Variants in GAB3 observed in about 807,000 individuals in gnomAD.
The protein encoded by GAB3 is GRB2-associated-binding protein 3.
GAB3 carries 12 observed loss-of-function variants against 40.4 expected under a neutral mutation model. That is an observed-to-expected ratio of 0.30 (90% confidence interval 0.19 to 0.48). GAB3 has a LOEUF of 0.48. Ranked by LOEUF, GAB3 falls within the 20% of genes least tolerant of loss-of-function variation. GAB3 has a pLI of 0.99. For missense variants in GAB3, 381 were observed against 461.9 expected (o/e 0.82, Z 1.61); for synonymous variants, 154 against 176.7 (o/e 0.87, Z 1.02).
chrX:154,733,383 A>C (rs1557260166), intron 1 of GAB3, among the ~76,000 whole-genome samples: 1 of 112,328 alleles, frequency 8.9e-6, no homozygotes, highest in African/African-American at 3.2e-5. Context: ...ATTGATCAGG[A>C]TTACTCATAA....
chrX:154,689,954 G>A (rs1233510657), intron 8 of GAB3, among the ~76,000 whole-genome samples: 8 of 108,765 alleles, frequency 7.4e-5, no homozygotes, highest in African/African-American at 9.9e-5. Flanking sequence ...AGCCTGCATC[G>A]CCAAGTCAAT....
chrX:154,750,044 G>T lies in GAB3; in HGVS notation c.72+910C>A, dbSNP rs192320887. 6.2e-5 allele frequency among the ~76,000 whole-genome samples: 7 copies of T among 112,690 alleles called. No individual in the cohort carries two copies. In the East Asian group the frequency reaches 1.9e-3, roughly 31 times the overall value. ...CATGCGCGAGTTTGTTCCTACCACCGTGCAGTGAAGTTGCAGAGAAATTAG... is the reference window on the plus strand; with the variant it reads ...CATGCGCGAGTTTGTTCCTACCACCTTGCAGTGAAGTTGCAGAGAAATTAG... On this transcript the variant is annotated intron_variant, in intron 1 of 9. Coordinates refer to ENST00000424127, the MANE Select transcript of GAB3 (RefSeq NM_001081573.3).
intron 1 of GAB3, among the ~76,000 whole-genome samples, chrX:154,727,434 G>A (rs2071228923): frequency 8.9e-6 from 1 of 112,826 alleles, no homozygotes; most frequent in Admixed American, 9.3e-5. Flanking sequence ...TCCAGCACTA[G>A]AATGTGAGCT....
At chrX:154,700,083 T>A in intron 4 of GAB3, 24 bp from the exon 5 acceptor site, 1 of 1,164,740 alleles carries the variant, frequency 8.6e-7, no homozygotes, top group Non-Finnish European at 1.2e-6. Flanking sequence ...GCCAAGGTGG[T>A]GAGAAATGCA....
At chrX:154,720,095 C>T (rs931422390) in intron 1 of GAB3, among the ~76,000 whole-genome samples, 1 of 109,487 alleles carries the variant, frequency 9.1e-6, no homozygotes, top group Non-Finnish European at 1.9e-5. Flanking sequence ...TTTATTGTAC[C>T]TTTTCTATGT....
At chrX:154,740,104 C>T (rs2071415468) in intron 1 of GAB3, among the ~76,000 whole-genome samples, 1 of 112,283 alleles carries the variant, frequency 8.9e-6, no homozygotes, top group African/African-American at 3.2e-5. Context: ...TTCAACTCAG[C>T]AATTCAACTT....
chrX:154,695,927 T>A lies in GAB3; in HGVS notation c.1520A>T (p.Tyr507Phe), dbSNP rs2070648899. 8.6e-7 allele frequency: 1 copy of A among 1,158,866 alleles called. No homozygotes were observed. The highest frequency in any genetic ancestry group is 3.0e-5 in the East Asian group (1 of 33,572). ...NPVSREDEES[Y>F]IEMEEHRTAS... ...AAAATATAAGATTACCATTTCGATG[T>A]AGCTTTCTTCGTCTTCTCTGGAAAC... Residue 507 changes from tyrosine to phenylalanine, a missense_variant, in exon 8 of 10, where the codon TAC becomes TTC. This residue lies in a region of GAB3 where 364 missense variants were observed against 421.0 expected (regional missense o/e 0.86). Coordinates refer to ENST00000424127, the MANE Select transcript of GAB3 (RefSeq NM_001081573.3).
intron 4 of GAB3, among the ~76,000 whole-genome samples, chrX:154,709,176 A>G (rs5945230): frequency 0.44 from 48,699 of 109,626 alleles, 8,109 homozygotes; most frequent in South Asian, 0.58. Context: ...CATGTAAGAC[A>G]TGCTTCCTTC....
chrX:154,746,370 A>C (rs965066475), intron 1 of GAB3, among the ~76,000 whole-genome samples: 3 of 112,458 alleles, frequency 2.7e-5, no homozygotes, highest in Admixed American at 1.9e-4. Flanking sequence ...AAATATATGA[A>C]AAGAATAATA....
intron 1 of GAB3, among the ~76,000 whole-genome samples, chrX:154,735,931 A>AT (rs2071359130): frequency 8.9e-6 from 1 of 112,250 alleles, no homozygotes; most frequent in Non-Finnish European, 1.9e-5. Flanking sequence ...GAGGCTGTAC[A>AT]TTGTCCATCC....
chrX:154,725,608 C>G (rs960207139), intron 1 of GAB3, among the ~76,000 whole-genome samples: 1 of 110,844 alleles, frequency 9.0e-6, no homozygotes, highest in Non-Finnish European at 1.9e-5. Context: ...CCACAGAGAA[C>G]ACAGTTATGT....
upstream of GAB3, chrX:154,751,087 C>T: frequency 1.3e-6 from 1 of 764,235 alleles, no homozygotes. Flanking sequence ...GGAAGTCGGG[C>T]CAAGGATGCC....
chrX:154,746,062 AAAAAAAAAAAG>A (rs2148496204), intron 1 of GAB3, among the ~76,000 whole-genome samples: 1 of 109,421 alleles, frequency 9.1e-6, no homozygotes, highest in Non-Finnish European at 1.9e-5. Context: ...CAAAAAAAAA[AAAAAAAAAAAG>A]AAAGAAAGAA....
rs1557246048 is a variant in GAB3, at chrX:154,678,211, C to T, written c.1731G>A (p.Gln577=). ...QKTQALQSTK[Q]EWTDERQSKV ...TGGATTGCCTTTCATCCGTCCACTC[C>T]TGTTTTGTGCTCTGGAGAGCCTGTG... The change falls in exon 10 of 10, where the codon CAG becomes CAA. Residue 577 remains glutamine (Q), a synonymous_variant. Transcript: ENST00000424127. The T allele has an allele frequency of 1.7e-6, 2 of 1,193,644 alleles. No homozygotes were observed. Among genetic ancestry groups the T allele is most frequent in the African/African-American group, 1.8e-5 (1 of 56,720 alleles).
intron 7 of GAB3, among the ~76,000 whole-genome samples, 168 bp downstream of exon 7, chrX:154,696,964 A>G (rs2070667254): frequency 8.9e-6 from 1 of 112,625 alleles, no homozygotes; most frequent in South Asian, 3.6e-4. Context: ...AGACCCAGAC[A>G]TATTCCTTCC....
At chrX:154,720,445 T>A (rs782313416) in intron 1 of GAB3, among the ~76,000 whole-genome samples, 1 of 110,163 alleles carries the variant, frequency 9.1e-6, no homozygotes, top group South Asian at 3.9e-4. Flanking sequence ...GCTAACACAG[T>A]GAAACCCCGT....
chrX:154,707,171 T>C (rs2070824636), intron 4 of GAB3, among the ~76,000 whole-genome samples: 1 of 111,123 alleles, frequency 9.0e-6, no homozygotes, highest in South Asian at 3.7e-4. Context: ...TGAACACAGA[T>C]TTTTTTTGAA....
chrX:154,735,247 A>T (rs2071348478), intron 1 of GAB3, among the ~76,000 whole-genome samples: 2 of 112,308 alleles, frequency 1.8e-5, no homozygotes, highest in Admixed American at 1.9e-4. Context: ...AAATTATGGT[A>T]TGAATAAGCA....
At chrX:154,681,032 T>G (rs2070365971) in intron 8 of GAB3, among the ~76,000 whole-genome samples, 1 of 112,232 alleles carries the variant, frequency 8.9e-6, no homozygotes, top group African/African-American at 3.2e-5. Flanking sequence ...ATATTTGAGT[T>G]GCTCCCAGTT....
Sources: gnomAD v4.1 joint callset for allele counts (sites outside exome capture counted in the v4.1 genomes callset) on GRCh38, gnomAD v4.1.1 for gene constraint, gnomAD v4.1.1 regional missense constraint, MANE v1.5 for transcripts, NCBI Gene and HGNC (gene_info 2026-07-23, HGNC 2026-07-21) for gene names.